POU5F1: variants seen among roughly 807,000 people sequenced by gnomAD.
The protein encoded by POU5F1 is POU domain, class 5, transcription factor 1.
In POU5F1, 6 loss-of-function variants were observed where a neutral mutation model predicts 38.3. The observed-to-expected ratio is 0.16, with a 90% CI of 0.09 to 0.31. The LOEUF is 0.31. Ranked by LOEUF, POU5F1 falls within the 10% of genes least tolerant of loss-of-function variation. POU5F1 has a pLI of 1.00. For synonymous variants in POU5F1, 147 were observed against 194.9 expected (o/e 0.75, Z 2.05); for missense variants, 286 against 462.6 (o/e 0.62, Z 3.50).
chr6:31,168,590 G>A (rs1305654058), intron 1 of POU5F1, among the ~76,000 whole-genome samples: 4 of 152,178 alleles, frequency 2.6e-5, no homozygotes, highest in Admixed American at 2.0e-4. Flanking sequence ...AAGCTACTGC[G>A]GTAATCCCAG....
At chr6:31,169,764 G>A (rs1777525877) in intron 1 of POU5F1, among the ~76,000 whole-genome samples, 1 of 152,170 alleles carries the variant, frequency 6.6e-6, no homozygotes, top group Non-Finnish European at 1.5e-5. Flanking sequence ...CTCAGGCTAT[G>A]CTTAACCCTA....
chr6:31,170,011 C>T, intron 1 of POU5F1: 1 of 782,008 alleles, frequency 1.3e-6, no homozygotes, highest in South Asian at 1.8e-5. Context: ...GTTGTCTCTT[C>T]GAAATCCAGC....
rs991404678 is a variant in POU5F1 at position 31,166,911 on chromosome 6, C to T, written c.406-864G>A. 1.1e-5 allele frequency: 14 copies of T among 1,305,182 alleles called. No individual in the cohort carries two copies. In the African/African-American group the frequency reaches 1.8e-4, roughly 17 times the overall value. The allele number at this position is 1,305,182 out of a possible 1,614,324, so 80.9% of individuals were successfully genotyped here. A position where few individuals can be genotyped will look rare whatever the true frequency, so the allele number is the denominator to read the frequency against. On this transcript the variant is annotated intron_variant, in intron 1 of 4. Transcript: ENST00000259915. ...AACACAGCAAAAAAGTAACAGGTGT[C>T]ATAAGAATGGATAAAGTGCTTTGTG...
Position 31,164,816 on chromosome 6 carries a change from T to C in POU5F1, c.868A>G (p.Ser290Gly), listed in dbSNP as rs771345851. The C allele has an allele frequency of 1.8e-5, 29 of 1,612,704 alleles. No individual in the cohort carries two copies. The highest frequency in any genetic ancestry group is 8.5e-7 in the Non-Finnish European group (1 of 1,179,544). ...NRRQKGKRSS[S>G]DYAQREDFEA... is the part of the protein sequence containing the mutation. ...AAATCCTCTCGTTGTGCATAGTCGCTGCTTGATCGCTTGCCCTTCTGGCGC... is the reference window on the plus strand; with the variant it reads ...AAATCCTCTCGTTGTGCATAGTCGCCGCTTGATCGCTTGCCCTTCTGGCGC... Residue 290 changes from serine (S) to glycine (G), a missense_variant, in exon 5 of 5, where the codon AGC becomes GGC. This residue lies in a region of POU5F1 where 110 missense variants were observed against 277.8 expected (regional missense o/e 0.40). Coordinates refer to ENST00000259915, the MANE Select transcript of POU5F1 (RefSeq NM_002701.6).
rs573437972 is a variant in POU5F1, at chr6:31,170,081, C to T, written c.405+135G>A. On this transcript the variant is annotated intron_variant, in intron 1 of 4. Coordinates refer to ENST00000259915, the MANE Select transcript of POU5F1 (RefSeq NM_002701.6). Reference sequence around the variant, plus strand: ...TGCCAGCAGTTGATACACACCCCTCCCTGGCCAGGGCAGCTGACCCTGCCT... The same window carrying T: ...TGCCAGCAGTTGATACACACCCCTCTCTGGCCAGGGCAGCTGACCCTGCCT... The T allele has an allele frequency of 4.6e-5, 67 of 1,445,330 alleles. No homozygotes were observed. In the East Asian group the frequency reaches 8.1e-4, roughly 18 times the overall value. The allele number at this position is 1,445,330 out of a possible 1,614,324, so 89.5% of individuals were successfully genotyped here.
At chr6:31,169,145 G>T (rs947201418) in intron 1 of POU5F1, among the ~76,000 whole-genome samples, 11 of 152,164 alleles carry the variant, frequency 7.2e-5, no homozygotes, top group African/African-American at 2.7e-4. Flanking sequence ...CCGTTAAATA[G>T]GATAATAATA....
intron 1 of POU5F1, 57 bp from the exon 2 acceptor site, chr6:31,166,104 C>T: frequency 6.2e-7 from 1 of 1,614,204 alleles, no homozygotes; most frequent in Non-Finnish European, 8.5e-7. Flanking sequence ...TTATCAATCT[C>T]CCCTTTCCAT....
Position 31,164,860 on chromosome 6 carries a change from C to T in POU5F1, c.824G>A (p.Arg275Gln), listed in dbSNP as rs746104715. The T allele has an allele frequency of 6.2e-7, 1 of 1,611,740 alleles. No homozygotes were observed. The highest frequency in any genetic ancestry group is 1.7e-5 in the Admixed American group (1 of 59,816). The change falls in exon 5 of 5, where the codon CGA becomes CAA. Residue 275 changes from arginine to glutamine, a missense_variant. Physicochemically the swap from Arg to Gln is conservative, Grantham distance 43. Coordinates refer to ENST00000259915, the MANE Select transcript of POU5F1 (RefSeq NM_002701.6). ...QQLGLEKDVV[R>Q]VWFCNRRQKG... ...CTGGCGCCGGTTACAGAACCACACT[C>T]GGACCACCTGCAAGTGAATGACAGA...
chr6:31,170,500 G>A lies in POU5F1; in HGVS notation c.121C>T (p.Pro41Ser). ...DPRTWLSFQG[P>S]PGGPGIGPGV... ...GGCCCGATTCCTGGCCCTCCAGGAGGGCCTTGGAAGCTTAGCCAGGTCCGA... is the reference window on the plus strand; with the variant it reads ...GGCCCGATTCCTGGCCCTCCAGGAGAGCCTTGGAAGCTTAGCCAGGTCCGA... Residue 41 changes from proline to serine, a missense_variant, in exon 1 of 5, where the codon CCT becomes TCT. Transcript: ENST00000259915. 6.3e-7 allele frequency: 1 copy of A among 1,596,276 alleles called. No individual in the cohort carries two copies. The highest frequency in any genetic ancestry group is 8.5e-7 in the Non-Finnish European group (1 of 1,172,180).
Position 31,165,856 on chromosome 6 carries a change from C to G in POU5F1, c.526+71G>C. The G allele has an allele frequency of 6.3e-7, 1 of 1,597,024 alleles. No individual in the cohort carries two copies. The stretch of plus-strand genomic sequence containing the variant: ...CATGGGTGAGGGTAGTCTGCCCCTG[C>G]CCCTCCCCACTAGGTTCAGGGATAC... On this transcript the variant is annotated intron_variant, in intron 2 of 4. Transcript: ENST00000259915. The surrounding 1 kb of genome is among the most constrained non-coding windows in gnomAD (Gnocchi z 6.5).
intron 1 of POU5F1, 46 bp from the exon 2 acceptor site, chr6:31,166,093 G>T (rs72856736): frequency 1.9e-6 from 3 of 1,614,104 alleles, no homozygotes; most frequent in Non-Finnish European, 2.5e-6. Context: ...AAACACACCA[G>T]TTATCAATCT....
Position 31,165,075 on chromosome 6 carries a change from C to A in POU5F1, c.816+53G>T, listed in dbSNP as rs1777114361. On this transcript the variant is annotated intron_variant, in intron 4 of 4. Coordinates refer to ENST00000259915, the MANE Select transcript of POU5F1 (RefSeq NM_002701.6). The surrounding 1 kb of genome is among the most constrained non-coding windows in gnomAD (Gnocchi z 6.5). ...TTGGAGGAGCCAGAGCTAGGGAAAGCGAGGTGGTGACAGGGGAAAGAGATG... is the reference window on the plus strand; with the variant it reads ...TTGGAGGAGCCAGAGCTAGGGAAAGAGAGGTGGTGACAGGGGAAAGAGATG... 1.3e-6 allele frequency: 2 copies of A among 1,582,806 alleles called. No homozygotes were observed. Among genetic ancestry groups the A allele is most frequent in the Non-Finnish European group, 1.7e-6 (2 of 1,165,138 alleles).
rs572480837 is a variant in POU5F1 at position 31,165,582 on chromosome 6, T to A, written c.646A>T (p.Asn216Tyr). 147 of 1,614,054 alleles carry A rather than the reference T, an allele frequency of 9.1e-5. 1 individual carries two copies. The Admixed American group carries it at 2.4e-3, about 27-fold the overall frequency. The change falls in exon 3 of 5, where the codon AAT becomes TAT. Residue 216 changes from asparagine (N) to tyrosine (Y), a missense_variant. By Grantham distance (143) the Asn-to-Tyr change is moderately radical. Coordinates refer to ENST00000259915, the MANE Select transcript of POU5F1 (RefSeq NM_002701.6). This position sits in a 1 kb window ranked among gnomAD's most constrained non-coding sequence, Gnocchi z 6.5. ...KWVEEADNNE[N>Y]LQEICKAETL... ...CCTCCCACCCTTACCTCCTGAAGAT[T>A]TTCATTGTTGTCAGCTTCCTCCACC...
chr6:31,165,161 G>A lies in POU5F1; in HGVS notation c.783C>T (p.Ser261=). Residue 261 remains serine, a synonymous_variant, in exon 4 of 5, where the codon AGC becomes AGT. Transcript: ENST00000259915. The surrounding 1 kb of genome is among the most constrained non-coding windows in gnomAD (Gnocchi z 6.5). The part of the protein sequence containing the change: ...QCPKPTLQQI[S]HIAQQLGLEK... ...CGAGCCCAAGCTGCTGGGCGATGTGGCTGATCTGCTGCAGTGTGGGTTTCG... is the reference window on the plus strand; with the variant it reads ...CGAGCCCAAGCTGCTGGGCGATGTGACTGATCTGCTGCAGTGTGGGTTTCG... 1.2e-6 allele frequency: 2 copies of A among 1,609,664 alleles called. No individual in the cohort carries two copies. The highest frequency in any genetic ancestry group is 8.5e-7 in the Non-Finnish European group (1 of 1,178,370).
chr6:31,167,560 T>C (rs1037266508), intron 1 of POU5F1, among the ~76,000 whole-genome samples: 2 of 151,882 alleles, frequency 1.3e-5, no homozygotes, highest in African/African-American at 2.4e-5. Flanking sequence ...ATACAAAAAT[T>C]AGCTGGGCAT....
At chr6:31,166,919 T>C in intron 1 of POU5F1, 1 of 1,281,196 alleles carries the variant, frequency 7.8e-7, no homozygotes, top group Non-Finnish European at 1.0e-6. Flanking sequence ...GTCATAAGAA[T>C]GGATAAAGTG....
At position 31,165,765 on chromosome 6, in the gene POU5F1, G is replaced by T; in HGVS notation, c.527-64C>A. On this transcript the variant is annotated intron_variant, in intron 2 of 4. Transcript: ENST00000259915. This position sits in a 1 kb window ranked among gnomAD's most constrained non-coding sequence, Gnocchi z 6.5. ...GCACGCAGGGCCCTTGTGACCCTGA[G>T]ATCCAAGCTTACCACCTCTTCCCAG... The T allele has an allele frequency of 6.4e-7, 1 of 1,573,100 alleles. No homozygotes were observed. Among genetic ancestry groups the T allele is most frequent in the East Asian group, 2.3e-5 (1 of 43,180 alleles).
Position 31,165,303 on chromosome 6 carries a change from G to C in POU5F1, c.658-17C>G, listed in dbSNP as rs754948582. On this transcript the variant is annotated splice_polypyrimidine_tract_variant and intron_variant, in intron 3 of 4. Coordinates refer to ENST00000259915, the MANE Select transcript of POU5F1 (RefSeq NM_002701.6). The surrounding 1 kb of genome is among the most constrained non-coding windows in gnomAD (Gnocchi z 6.5). ...TTTGCATATCTGTGCAGGTGGGAAG[G>C]GGGTGACAAGGGCAAGCTTTGGACT... 3 of 1,606,048 alleles carry C rather than the reference G, an allele frequency of 1.9e-6. No individual in the cohort carries two copies. The highest frequency in any genetic ancestry group is 1.7e-5 in the Admixed American group (1 of 59,186).
intron 1 of POU5F1, 22 bp downstream of exon 1, chr6:31,170,194 A>C: frequency 2.5e-6 from 4 of 1,612,706 alleles, no homozygotes; most frequent in Non-Finnish European, 2.5e-6. Context: ...CCCACACCCC[A>C]ACCCCGTCGA....
Sources: gnomAD v4.1 joint callset for allele counts (sites outside exome capture counted in the v4.1 genomes callset) on GRCh38, gnomAD v4.1.1 for gene constraint, gnomAD v4.1.1 regional missense constraint, Gnocchi (gnomAD v3.1) non-coding constraint, MANE v1.5 for transcripts, NCBI Gene and HGNC (gene_info 2026-07-23, HGNC 2026-07-21) for gene names.